Variants in TRAPPC9 observed in about 807,000 individuals in gnomAD.
TRAPPC9 encodes the protein IKK2 binding protein.
A neutral mutation model predicts 124.0 loss-of-function variants in TRAPPC9; 83 were observed. The ratio of observed to expected loss-of-function variants is 0.67; its 90% CI spans 0.56 to 0.80. The LOEUF (loss-of-function observed/expected upper bound fraction) is 0.80. Ranked by LOEUF, TRAPPC9 falls within the 30% of genes least tolerant of loss-of-function variation. The probability of loss-of-function intolerance (pLI) is 0.00; values close to 1 mark genes in which losing one functional copy is unlikely to be tolerated. For missense variants in TRAPPC9, 1,302 were observed against 1,508.3 expected (o/e 0.86, Z 2.27); for synonymous variants, 638 against 617.5 (o/e 1.03, Z -0.49).
At position 140,285,232 on chromosome 8, in the gene TRAPPC9, G is replaced by A. The variant is rs1278735448; in HGVS notation, c.1982-1211C>T. 2.0e-5 allele frequency among the ~76,000 whole-genome samples: 3 copies of A among 152,322 alleles called. No individual in the cohort carries two copies. In the East Asian group the frequency reaches 5.8e-4, roughly 29 times the overall value. ...TGACTAAGGCTCTGACTCCTCAACT[G>A]TGAACACACTAGTTACGGTTATGTG... On this transcript the variant is annotated intron_variant, in intron 13 of 22. Transcript: ENST00000438773.
At chr8:140,230,427 G>A (rs2063563772) in intron 16 of TRAPPC9, among the ~76,000 whole-genome samples, 2 of 152,084 alleles carry the variant, frequency 1.3e-5, no homozygotes, top group South Asian at 2.1e-4. Flanking sequence ...TGACCAACAT[G>A]GTGAAACCCT....
At chr8:140,025,106 G>T (rs902464370) in intron 17 of TRAPPC9, among the ~76,000 whole-genome samples, 1 of 152,198 alleles carries the variant, frequency 6.6e-6, no homozygotes, top group African/African-American at 2.4e-5. Flanking sequence ...GCTGGGGACC[G>T]AAGGGGAACA....
intron 11 of TRAPPC9, among the ~76,000 whole-genome samples, chr8:140,299,482 A>G (rs1431943985): frequency 6.6e-6 from 1 of 152,206 alleles, no homozygotes; most frequent in East Asian, 1.9e-4. Context: ...AGGAGAAGAA[A>G]GCACTGGATA....
At chr8:140,118,188 G>A (rs2060924621) in intron 17 of TRAPPC9, among the ~76,000 whole-genome samples, 1 of 152,226 alleles carries the variant, frequency 6.6e-6, no homozygotes, top group African/African-American at 2.4e-5. Flanking sequence ...CGAGGAGCAA[G>A]ACCCCAGTGG....
intron 21 of TRAPPC9, among the ~76,000 whole-genome samples, chr8:139,764,776 A>AC (rs1820479428): frequency 6.6e-6 from 1 of 151,854 alleles, no homozygotes; most frequent in Admixed American, 6.6e-5. Context: ...AGAGGAGGTG[A>AC]CCCCTACCCC....
At chr8:140,071,743 G>A (rs1843168305) in intron 17 of TRAPPC9, among the ~76,000 whole-genome samples, 1 of 152,154 alleles carries the variant, frequency 6.6e-6, no homozygotes, top group South Asian at 2.1e-4. Flanking sequence ...GGCCTCTCTG[G>A]ACAAGCAGAT....
intron 17 of TRAPPC9, among the ~76,000 whole-genome samples, chr8:140,123,189 C>T (rs2061019763): frequency 6.6e-6 from 1 of 151,982 alleles, no homozygotes; most frequent in African/African-American, 2.4e-5. Context: ...TGGTCACTGT[C>T]CCCGACCCCT....
chr8:139,908,244 C>A (rs1253650251), intron 20 of TRAPPC9, among the ~76,000 whole-genome samples: 1 of 152,130 alleles, frequency 6.6e-6, no homozygotes, highest in Non-Finnish European at 1.5e-5. Flanking sequence ...CCTGCCAGGC[C>A]CACCATGCAC....
At chr8:139,817,830 TG>T (rs1824961054) in intron 21 of TRAPPC9, among the ~76,000 whole-genome samples, 1 of 152,122 alleles carries the variant, frequency 6.6e-6, no homozygotes. Flanking sequence ...CTCCAGGCTA[TG>T]GGAACAGACA....
chr8:140,263,829 A>G (rs61639454), intron 15 of TRAPPC9, among the ~76,000 whole-genome samples: 37,457 of 152,124 alleles, frequency 0.25, 5,040 homozygotes, highest in African/African-American at 0.35. Flanking sequence ...CCTGACCTAG[A>G]GGCTTCCGAC....
At chr8:140,456,135 C>T (rs7823981) in intron 1 of TRAPPC9, among the ~76,000 whole-genome samples, 42,133 of 152,014 alleles carry the variant, frequency 0.28, 7,377 homozygotes, top group East Asian at 0.45. Flanking sequence ...ATTGGCCAGG[C>T]ATGGTGGCTC....
chr8:140,013,490 C>T (rs111833277), intron 18 of TRAPPC9, among the ~76,000 whole-genome samples: 3 of 152,336 alleles, frequency 2.0e-5, no homozygotes, highest in African/African-American at 4.8e-5. Context: ...TTCAAAACTT[C>T]GGTTGACCAC....
At chr8:139,783,891 C>T (rs929911965) in intron 21 of TRAPPC9, among the ~76,000 whole-genome samples, 2 of 152,010 alleles carry the variant, frequency 1.3e-5, no homozygotes, top group Non-Finnish European at 2.9e-5. Context: ...AAAGAGAAAC[C>T]ATATGATCAT....
chr8:140,272,105 G>GTCGTGGTAGCAATGGTGATAGTGATTA (rs374425473), intron 15 of TRAPPC9, among the ~76,000 whole-genome samples: 1 of 75,228 alleles, frequency 1.3e-5, no homozygotes, highest in African/African-American at 5.6e-5. Context: ...TGAGGTGATT[G>GTCGTGGTAGCAATGGTGATAGTGATTA]TGGTGGTGGC....
Position 140,219,483 on chromosome 8 carries a change from G to A in TRAPPC9, c.2556+1976C>T, listed in dbSNP as rs146913589. On this transcript the variant is annotated intron_variant, in intron 17 of 22. Transcript: ENST00000438773. Reference sequence around the variant, plus strand: ...ATGCCAGGTGTCTGAGGGACCTCACGGAGAGTTAATTCATCAAAGAATGCA... The same window carrying A: ...ATGCCAGGTGTCTGAGGGACCTCACAGAGAGTTAATTCATCAAAGAATGCA... 8.5e-4 allele frequency among the ~76,000 whole-genome samples: 130 copies of A among 152,258 alleles called. 1 individual carries two copies. Among genetic ancestry groups the A allele is most frequent in the African/African-American group, 3.0e-3 (125 of 41,552 alleles).
At chr8:140,370,744 C>T (rs1425059554) in intron 8 of TRAPPC9, among the ~76,000 whole-genome samples, 1 of 152,206 alleles carries the variant, frequency 6.6e-6, no homozygotes, top group Non-Finnish European at 1.5e-5. Context: ...ATTTCTGACT[C>T]CCACTGATAA....
At chr8:140,409,950 A>G (rs2132454083) in intron 5 of TRAPPC9, among the ~76,000 whole-genome samples, 1 of 152,148 alleles carries the variant, frequency 6.6e-6, no homozygotes, top group South Asian at 2.1e-4. Context: ...TAGCCTGATC[A>G]ACGTGGCAAA....
chr8:139,868,114 T>C (rs1327222935), intron 21 of TRAPPC9, among the ~76,000 whole-genome samples: 1 of 152,196 alleles, frequency 6.6e-6, no homozygotes, highest in Non-Finnish European at 1.5e-5. Context: ...ATCCCAGCAC[T>C]TTGGGAGGCC....
chr8:140,041,407 C>T (rs972061041), intron 17 of TRAPPC9, among the ~76,000 whole-genome samples: 1 of 152,266 alleles, frequency 6.6e-6, no homozygotes, highest in South Asian at 2.1e-4. Context: ...TCCCTCCCAA[C>T]ATCAAAGATT....
Sources: gnomAD v4.1 joint callset for allele counts (sites outside exome capture counted in the v4.1 genomes callset) on GRCh38, gnomAD v4.1.1 for gene constraint, MANE v1.5 for transcripts, NCBI Gene and HGNC (gene_info 2026-07-23, HGNC 2026-07-21) for gene names.